RASGRP3: variants seen among roughly 807,000 people sequenced by gnomAD.
The protein encoded by RASGRP3 is RAS guanyl releasing protein 3, also known as ras guanyl-releasing protein 3.
A neutral mutation model predicts 82.7 loss-of-function variants in RASGRP3; 54 were observed. The ratio of observed to expected loss-of-function variants is 0.65; its 90% CI spans 0.52 to 0.82. The LOEUF is 0.82. Ranked by LOEUF, RASGRP3 falls within the 40% of genes least tolerant of loss-of-function variation. The pLI, the probability that RASGRP3 is intolerant of heterozygous loss-of-function variation, is 0.00. For synonymous variants in RASGRP3, 309 were observed against 300.5 expected (o/e 1.03, Z -0.29); for missense variants, 861 against 828.9 (o/e 1.04, Z -0.48).
chr2:33,439,203 C>G (rs941606588), intron 1 of RASGRP3, among the ~76,000 whole-genome samples: 2 of 152,132 alleles, frequency 1.3e-5, no homozygotes, highest in Non-Finnish European at 2.9e-5. Context: ...AATCTCTATC[C>G]TTGAAAAACT....
At chr2:33,556,546 C>G (rs1013783132) in intron 15 of RASGRP3, among the ~76,000 whole-genome samples, 2 of 88,662 alleles carry the variant, frequency 2.3e-5, no homozygotes, top group Non-Finnish European at 4.1e-5. Context: ...CGCGCCCGGC[C>G]TCTTCTAATA....
At chr2:33,521,486 A>T (rs147832991) in intron 6 of RASGRP3, among the ~76,000 whole-genome samples, 1 of 152,242 alleles carries the variant, frequency 6.6e-6, no homozygotes, top group Non-Finnish European at 1.5e-5. Context: ...GTGAAAATAC[A>T]TATTATTCAG....
At position 33,523,960 on chromosome 2, in the gene RASGRP3, G is replaced by A. The variant is rs768952854; in HGVS notation, c.598G>A (p.Gly200Arg). 6.2e-7 allele frequency: 1 copy of A among 1,613,886 alleles called. No homozygotes were observed. Residue 200 changes from glycine to arginine, a missense_variant, in exon 8 of 18, where the codon GGA (glycine) becomes AGA (arginine). Gly to Arg is a moderately radical substitution (Grantham distance 125, BLOSUM62 -2). Coordinates refer to ENST00000403687, the MANE Select transcript of RASGRP3 (RefSeq NM_001139488.2). ...TLERSIALFNGISKWVQLMVL... is the reference protein window; with the variant it reads ...TLERSIALFNRISKWVQLMVL... ...GGAAAGATCGATTGCTTTATTTAAT[G>A]GAATCTCTAAGTGGGTCCAGTTGAT...
chr2:33,493,227 A>G (rs1400744802), intron 1 of RASGRP3: 2 of 152,218 alleles, frequency 1.3e-5, no homozygotes, highest in Non-Finnish European at 2.9e-5. Context: ...AACAACTGAC[A>G]ATGTGGGAAG....
chr2:33,448,790 C>A (rs113739530), intron 2 of RASGRP3, among the ~76,000 whole-genome samples: 1 of 151,828 alleles, frequency 6.6e-6, no homozygotes, highest in African/African-American at 2.4e-5. Flanking sequence ...GAATAGTACA[C>A]GTAAAAATGG....
At chr2:33,459,699 G>C (rs987525629) in intron 2 of RASGRP3, among the ~76,000 whole-genome samples, 1 of 151,384 alleles carries the variant, frequency 6.6e-6, no homozygotes, top group African/African-American at 2.5e-5. Context: ...AGTCAGGAAA[G>C]TGAAAAATTA....
At chr2:33,485,583 T>A (rs1668302934) in intron 1 of RASGRP3, among the ~76,000 whole-genome samples, 1 of 152,222 alleles carries the variant, frequency 6.6e-6, no homozygotes, top group South Asian at 2.1e-4. Context: ...AGTGACAGTT[T>A]GCTTTAAAAT....
chr2:33,457,690 A>G (rs867340911), intron 2 of RASGRP3, among the ~76,000 whole-genome samples: 3 of 152,020 alleles, frequency 2.0e-5, no homozygotes, highest in African/African-American at 7.2e-5. Flanking sequence ...TTTCCCTTTC[A>G]CAAATGAGGA....
intron 2 of RASGRP3, among the ~76,000 whole-genome samples, chr2:33,471,208 C>T (rs1667040427): frequency 1.3e-5 from 2 of 151,878 alleles, no homozygotes; most frequent in Non-Finnish European, 1.5e-5. Flanking sequence ...AAAAGTTTTT[C>T]TCTGTTGCCC....
intron 1 of RASGRP3, among the ~76,000 whole-genome samples, chr2:33,500,129 G>A (rs1402750284): frequency 6.6e-6 from 1 of 152,160 alleles, no homozygotes; most frequent in Non-Finnish European, 1.5e-5. Context: ...TGTGTGCAAA[G>A]CATGGGGTCT....
chr2:33,558,425 G>A (rs113456476), intron 16 of RASGRP3, 89 bp downstream of exon 16: 60 of 1,587,696 alleles, frequency 3.8e-5, no homozygotes, highest in East Asian at 2.9e-4. Flanking sequence ...GTCTAAACCC[G>A]GTCAGTCACT....
In RASGRP3 at chr2:33,487,175, A is replaced by G. The variant is rs556036523; in HGVS notation, c.-261+10468A>G. 9.8e-5 allele frequency among the ~76,000 whole-genome samples: 15 copies of G among 152,332 alleles called. 1 individual carries two copies. Among genetic ancestry groups the G allele is most frequent in the African/African-American group, 3.6e-4 (15 of 41,570 alleles). On this transcript the variant is annotated intron_variant, in intron 1 of 17. Coordinates refer to ENST00000403687, the MANE Select transcript of RASGRP3 (RefSeq NM_001139488.2). ...TTCTAAAAGATAAGTTCTCTTAAAA[A>G]GTTCACAACGTCATTCAGACATGCA...
At chr2:33,528,402 A>G (rs1405860168) in intron 10 of RASGRP3, among the ~76,000 whole-genome samples, 1 of 152,362 alleles carries the variant, frequency 6.6e-6, no homozygotes, top group Admixed American at 6.5e-5. Context: ...ACAACGGTGT[A>G]TAGAAGAGAA....
chr2:33,467,841 T>G (rs1213544863), intron 2 of RASGRP3, among the ~76,000 whole-genome samples: 1 of 152,132 alleles, frequency 6.6e-6, no homozygotes, highest in Non-Finnish European at 1.5e-5. Flanking sequence ...GAATAAGAGG[T>G]GCTCAGGCAA....
intron 1 of RASGRP3, among the ~76,000 whole-genome samples, chr2:33,442,385 G>C (rs1348610879): frequency 2.0e-5 from 3 of 152,154 alleles, no homozygotes; most frequent in Non-Finnish European, 2.9e-5. Flanking sequence ...TCTGGTTGGT[G>C]GGATAATGGT....
intron 10 of RASGRP3, chr2:33,534,046 T>C: frequency 2.6e-6 from 1 of 385,498 alleles, no homozygotes. Flanking sequence ...CACATATCCC[T>C]CATCCGTGAC....
intron 13 of RASGRP3, among the ~76,000 whole-genome samples, chr2:33,546,916 A>T (rs943045086): frequency 6.6e-6 from 1 of 151,832 alleles, no homozygotes; most frequent in Non-Finnish European, 1.5e-5. Flanking sequence ...AAAATACAAA[A>T]ATTAGCCGGG....
rs376829054 is a variant in RASGRP3 at position 33,470,094 on chromosome 2, TCA to T, written c.-261+22152_-261+22153del. Among the ~76,000 whole-genome samples the T allele has an allele frequency of 3.9e-4, 59 of 152,260 alleles. 1 individual carries two copies. In the East Asian group the frequency reaches 0.011, roughly 27 times the overall value. ...TTTTCTAAAATTTTCTTTACCATTC[TCA>T]GTTTTTTATTCTTTAAAATAAACTT... On this transcript the variant is annotated intron_variant, in intron 2 of 18. Coordinates refer to the RASGRP3 transcript ENST00000402538.
intron 2 of RASGRP3, among the ~76,000 whole-genome samples, chr2:33,468,295 T>C (rs913901017): frequency 6.6e-6 from 1 of 152,162 alleles, no homozygotes; most frequent in Non-Finnish European, 1.5e-5. Context: ...ATTTTTAATA[T>C]ATTCACATAT....
Sources: gnomAD v4.1 joint callset for allele counts (sites outside exome capture counted in the v4.1 genomes callset) on GRCh38, gnomAD v4.1.1 for gene constraint, MANE v1.5 for transcripts, NCBI Gene and HGNC (gene_info 2026-07-23, HGNC 2026-07-21) for gene names.